ARHGAP15: variants seen among roughly 807,000 people sequenced by gnomAD.
ARHGAP15 encodes the protein rho GTPase-activating protein 15.
In ARHGAP15, 51 loss-of-function variants were observed where a neutral mutation model predicts 63.7. That is an observed-to-expected ratio of 0.80 (90% confidence interval 0.64 to 1.01). The LOEUF is 1.01. Among genes scored for constraint, ARHGAP15 ranks in the 50% least tolerant of loss-of-function variants. ARHGAP15 has a pLI of 0.00. For synonymous variants in ARHGAP15, 191 were observed against 193.8 expected (o/e 0.99, Z 0.12); for missense variants, 560 against 564.6 (o/e 0.99, Z 0.08).
intron 8 of ARHGAP15, among the ~76,000 whole-genome samples, chr2:143,442,236 A>G (rs745417745): frequency 1.3e-5 from 2 of 152,208 alleles, no homozygotes; most frequent in Non-Finnish European, 2.9e-5. Flanking sequence ...CCAATTGTAA[A>G]TTGGTTGCTT....
chr2:143,620,720 A>G (rs1483562349), intron 11 of ARHGAP15, among the ~76,000 whole-genome samples: 1 of 152,236 alleles, frequency 6.6e-6, no homozygotes, highest in Non-Finnish European at 1.5e-5. Context: ...TAAAATGGAC[A>G]TGATGATAAC....
chr2:143,265,221 A>ATT (rs55917586), intron 6 of ARHGAP15, among the ~76,000 whole-genome samples: 19 of 146,730 alleles, frequency 1.3e-4, no homozygotes, highest in Admixed American at 3.4e-4. Context: ...TATATCTGTG[A>ATT]TTTTTTTTTT....
chr2:143,400,839 A>G (rs1357197496), intron 6 of ARHGAP15, among the ~76,000 whole-genome samples: 2 of 152,004 alleles, frequency 1.3e-5, no homozygotes, highest in Non-Finnish European at 2.9e-5. Flanking sequence ...AGACTTTTCT[A>G]TATATGTTTT....
At position 143,384,310 on chromosome 2, in the gene ARHGAP15, C is replaced by T. The variant is rs559328566; in HGVS notation, c.475-51291C>T. 2.6e-5 allele frequency among the ~76,000 whole-genome samples: 4 copies of T among 151,830 alleles called. No homozygotes were observed. The East Asian group carries it at 5.8e-4, about 22-fold the overall frequency. The stretch of plus-strand genomic sequence containing the variant: ...GTTTTGCCTTTTTGCAAGATTGGTC[C>T]ACAAGAACTTTAAAAGGAGAAAAAG... On this transcript the variant is annotated intron_variant, in intron 6 of 13. Transcript: ENST00000295095.
chr2:143,473,975 G>A lies in ARHGAP15; in HGVS notation c.704-13398G>A, dbSNP rs149057943. ...CTGAAGAAGACCGAAATCTCAGCCC[G>A]TTCAATAGTCCAAAAGTTCAAGTTT... On this transcript the variant is annotated intron_variant, in intron 8 of 13. Coordinates refer to ENST00000295095, the MANE Select transcript of ARHGAP15 (RefSeq NM_018460.4). Among the ~76,000 whole-genome samples, 1,239 of 152,204 alleles carry A rather than the reference G, an allele frequency of 8.1e-3. 16 individuals are homozygous for A. The highest frequency in any genetic ancestry group is 0.028 in the African/African-American group (1,174 of 41,526).
chr2:143,512,607 G>T (rs555731320), intron 9 of ARHGAP15, among the ~76,000 whole-genome samples: 2 of 152,182 alleles, frequency 1.3e-5, no homozygotes, highest in South Asian at 4.1e-4. Flanking sequence ...TTCTTGAAAC[G>T]TTTGTCCAAT....
intron 12 of ARHGAP15, among the ~76,000 whole-genome samples, chr2:143,632,659 C>T (rs1218007568): frequency 6.6e-6 from 1 of 152,136 alleles, no homozygotes; most frequent in East Asian, 1.9e-4. Context: ...CAGTCACATC[C>T]TCATCAGATA....
chr2:143,612,962 A>G (rs1299077453), intron 11 of ARHGAP15, among the ~76,000 whole-genome samples: 2 of 152,202 alleles, frequency 1.3e-5, no homozygotes, highest in Admixed American at 6.5e-5. Context: ...AGTAGTTTAT[A>G]CCTTTACTAC....
intron 6 of ARHGAP15, among the ~76,000 whole-genome samples, chr2:143,323,663 G>A (rs1417462694): frequency 6.6e-6 from 1 of 151,982 alleles, no homozygotes; most frequent in Non-Finnish European, 1.5e-5. Context: ...GTGGGAGGCT[G>A]AGGCGGGTGG....
intron 9 of ARHGAP15, among the ~76,000 whole-genome samples, chr2:143,512,051 C>G (rs1171059555): frequency 3.9e-5 from 6 of 152,194 alleles, no homozygotes; most frequent in Non-Finnish European, 1.5e-5. Flanking sequence ...ATGGAATTTA[C>G]TAGCTACTTA....
chr2:143,680,894 A>T (rs1683069545), intron 12 of ARHGAP15, among the ~76,000 whole-genome samples: 1 of 152,188 alleles, frequency 6.6e-6, no homozygotes, highest in East Asian at 1.9e-4. Context: ...CTCCCAAAAG[A>T]CAGATTACTA....
chr2:143,558,498 A>G (rs1377017877), intron 11 of ARHGAP15, among the ~76,000 whole-genome samples: 1 of 152,176 alleles, frequency 6.6e-6, no homozygotes, highest in Non-Finnish European at 1.5e-5. Context: ...CAACTTTTGG[A>G]AAGGATATAA....
At chr2:143,317,086 C>G (rs935015130) in intron 6 of ARHGAP15, among the ~76,000 whole-genome samples, 1 of 152,084 alleles carries the variant, frequency 6.6e-6, no homozygotes, top group Non-Finnish European at 1.5e-5. Context: ...CCTTTAGGGT[C>G]CTGTGGTCCT....
At chr2:143,543,440 A>G (rs1395434385) in intron 10 of ARHGAP15, among the ~76,000 whole-genome samples, 1 of 152,068 alleles carries the variant, frequency 6.6e-6, no homozygotes. Context: ...TACCTTATAC[A>G]TTCTGATGTT....
At chr2:143,529,201 A>G (rs1694417383) in intron 10 of ARHGAP15, among the ~76,000 whole-genome samples, 1 of 152,100 alleles carries the variant, frequency 6.6e-6, no homozygotes, top group African/African-American at 2.4e-5. Flanking sequence ...GCAGCATTAC[A>G]ATCTATATTC....
intron 10 of ARHGAP15, among the ~76,000 whole-genome samples, chr2:143,537,007 C>T (rs1204040012): frequency 1.3e-5 from 2 of 152,076 alleles, no homozygotes; most frequent in South Asian, 4.1e-4. Flanking sequence ...AAAAGTGTTC[C>T]TATTTCTCCA....
chr2:143,155,771 G>C, intron 2 of ARHGAP15, 116 bp downstream of exon 2: 1 of 1,071,270 alleles, frequency 9.3e-7, no homozygotes, highest in South Asian at 1.8e-5. Context: ...TGAGAAAACT[G>C]TTTTTGTAAT....
chr2:143,411,405 A>G (rs1486461652), intron 6 of ARHGAP15, among the ~76,000 whole-genome samples: 2 of 150,932 alleles, frequency 1.3e-5, no homozygotes, highest in Admixed American at 1.3e-4. Flanking sequence ...AGATATGCAC[A>G]TTAATCAATT....
Position 143,307,676 on chromosome 2 carries a change from GA to G in ARHGAP15, c.474+57084del, listed in dbSNP as rs569717118. ...GAGAAACTTTGCCCCTCATTCAAAC[GA>G]AAAAAAATTTCAAATACCTACTGTT... On this transcript the variant is annotated intron_variant, in intron 6 of 13. Transcript: ENST00000295095. Among the ~76,000 whole-genome samples, 70 of 151,788 alleles carry G rather than the reference GA, an allele frequency of 4.6e-4. 1 individual carries two copies. Among genetic ancestry groups the G allele is most frequent in the African/African-American group, 1.6e-3 (66 of 41,434 alleles).
Sources: allele counts gnomAD v4.1 joint callset (sites outside exome capture counted in the v4.1 genomes callset), GRCh38; gene constraint gnomAD v4.1.1; transcripts MANE v1.5; gene names NCBI Gene and HGNC (gene_info 2026-07-23, HGNC 2026-07-21).